VARS1: variants seen among roughly 807,000 people sequenced by gnomAD.
The protein encoded by VARS1 is valyl-tRNA synthetase 1.
A neutral mutation model predicts 161.0 loss-of-function variants in VARS1; 92 were observed. The observed-to-expected ratio is 0.57, with a 90% CI of 0.48 to 0.68. VARS1 has a LOEUF of 0.68. Ranked by LOEUF, VARS1 falls within the 30% of genes least tolerant of loss-of-function variation. The probability of loss-of-function intolerance (pLI) is 0.00; values close to 1 mark genes in which losing one functional copy is unlikely to be tolerated. For synonymous variants in VARS1, 595 were observed against 682.5 expected (o/e 0.87, Z 2.00); for missense variants, 1,338 against 1,695.9 (o/e 0.79, Z 3.71).
In VARS1 at chr6:31,779,480, C is replaced by A. The variant is rs764598842; in HGVS notation, c.3345G>T (p.Thr1115=). 1.2e-6 allele frequency: 2 copies of A among 1,612,708 alleles called. No individual in the cohort carries two copies. The highest frequency in any genetic ancestry group is 1.7e-6 in the Non-Finnish European group (2 of 1,179,976). ...CGGCCCGCAGGGAGCGCACGGCTCG[C>A]GTGATGCTTAGCGCCAGCTCAAGGG... The part of the protein sequence containing the change: ...EAALELALSI[T]RAVRSLRADY... Residue 1115 remains threonine, a synonymous_variant, in exon 28 of 30, where the codon ACG becomes ACT. Coordinates refer to ENST00000375663, the MANE Select transcript of VARS1 (RefSeq NM_006295.3). The surrounding 1 kb of genome is among the most constrained non-coding windows in gnomAD (Gnocchi z 9.1).
chr6:31,791,517 C>T lies in VARS1; in HGVS notation c.1100+93G>A. 6.7e-7 allele frequency: 1 copy of T among 1,500,528 alleles called. No individual in the cohort carries two copies. Among genetic ancestry groups the T allele is most frequent in the East Asian group, 2.4e-5 (1 of 42,476 alleles). The allele number at this position is 1,500,528 out of a possible 1,614,324, so 93.0% of individuals were successfully genotyped here. A position where few individuals can be genotyped will look rare whatever the true frequency, so the allele number is the denominator to read the frequency against. ...CACTGGGGGCAGAAGTGAGCACCAACCCAGAAGGAGAGAGGCTCGGGGGGC... is the reference window on the plus strand; with the variant it reads ...CACTGGGGGCAGAAGTGAGCACCAATCCAGAAGGAGAGAGGCTCGGGGGGC... On this transcript the variant is annotated intron_variant, in intron 8 of 29. Transcript: ENST00000375663. This position sits in a 1 kb window ranked among gnomAD's most constrained non-coding sequence, Gnocchi z 5.0.
chr6:31,779,734 G>A lies in VARS1; in HGVS notation c.3162C>T (p.Asp1054=), dbSNP rs1171083155. 4 of 1,612,874 alleles carry A rather than the reference G, an allele frequency of 2.5e-6. No individual in the cohort carries two copies. The highest frequency in any genetic ancestry group is 1.7e-5 in the Admixed American group (1 of 59,994). ...CARQTLYTCL[D]VGLRLLSPFM... ...AGGGTGAGAGCAGCCGCAGGCCAACGTCCAGGCAAGTGTACAGGGTCTGGC... is the reference window on the plus strand; with the variant it reads ...AGGGTGAGAGCAGCCGCAGGCCAACATCCAGGCAAGTGTACAGGGTCTGGC... The change falls in exon 27 of 30, where the codon GAC becomes GAT. Residue 1054 remains aspartate, a synonymous_variant. Transcript: ENST00000375663. This position sits in a 1 kb window ranked among gnomAD's most constrained non-coding sequence, Gnocchi z 9.1.
chr6:31,784,646 G>A lies in VARS1; in HGVS notation c.1416C>T (p.Thr472=). The A allele has an allele frequency of 1.2e-6, 2 of 1,613,092 alleles. No homozygotes were observed. The highest frequency in any genetic ancestry group is 1.1e-5 in the South Asian group (1 of 91,088). Residue 472 remains threonine (T), a synonymous_variant, in exon 11 of 30, where the codon ACC becomes ACT. Coordinates refer to ENST00000375663, the MANE Select transcript of VARS1 (RefSeq NM_006295.3). The surrounding 1 kb of genome is among the most constrained non-coding windows in gnomAD (Gnocchi z 6.1). ...GGGTGCAGGACCAGTTAACAAGGCG[G>A]GTACTGCGATAGATGATGCCTTCCT... The part of the protein sequence containing the change: ...LHEEGIIYRS[T]RLVNWSCTLN...
At chr6:31,792,579 G>C (rs1813951891) in intron 4 of VARS1, 63 bp from the exon 5 acceptor site, 1 of 1,610,160 alleles carries the variant, frequency 6.2e-7, no homozygotes, top group Non-Finnish European at 8.5e-7. Context: ...GGCCATACTA[G>C]GTTTCAGATG....
At chr6:31,783,303 G>T in intron 13 of VARS1, 117 bp from the exon 14 acceptor site, 1 of 1,040,994 alleles carries the variant, frequency 9.6e-7, no homozygotes, top group East Asian at 2.6e-5. Flanking sequence ...CCGGGAGTTG[G>T]AGACCAGCCT....
In VARS1 at chr6:31,784,264, T is replaced by C; in HGVS notation, c.1621A>G (p.Met541Val). The change falls in exon 13 of 30, where the codon ATG becomes GTG. Residue 541 changes from methionine (M) to valine (V), a missense_variant. By Grantham distance (21) the Met-to-Val change is conservative. Coordinates refer to ENST00000375663, the MANE Select transcript of VARS1 (RefSeq NM_006295.3). The surrounding 1 kb of genome is among the most constrained non-coding windows in gnomAD (Gnocchi z 6.1). ...VVVATTRIET[M>V]LGDVAVAVHP... ...ACAGCTACAGCCACATCTCCCAGCA[T>C]TGTCTCGATCCGAGTTGTTGCCACC... 1 of 1,614,170 alleles carries C rather than the reference T, an allele frequency of 6.2e-7. No homozygotes were observed. Among genetic ancestry groups the C allele is most frequent in the Non-Finnish European group, 8.5e-7 (1 of 1,180,032 alleles).
chr6:31,793,199 C>CCT, intron 2 of VARS1, 79 bp from the exon 3 acceptor site: 1 of 1,498,584 alleles, frequency 6.7e-7, no homozygotes, highest in South Asian at 1.3e-5. Context: ...ATGTGGCCTC[C>CCT]CTCCACCCCA....
At chr6:31,788,678 G>A (rs1320906884) in intron 8 of VARS1, among the ~76,000 whole-genome samples, 7 of 148,852 alleles carry the variant, frequency 4.7e-5, no homozygotes, top group Non-Finnish European at 8.9e-5. Flanking sequence ...GCGTGGTGGC[G>A]GGCGCCTGTA....
In VARS1 at chr6:31,777,560, C is replaced by G; in HGVS notation, c.*34G>C. The stretch of plus-strand genomic sequence containing the variant: ...TTATTGCTGCCATCCCCATGGTGAG[C>G]CGCTGGGGGTGAGGGGTGAAGCTGG... On this transcript the variant is annotated 3_prime_UTR_variant, in exon 30 of 30. Coordinates refer to ENST00000375663, the MANE Select transcript of VARS1 (RefSeq NM_006295.3). The surrounding 1 kb of genome is among the most constrained non-coding windows in gnomAD (Gnocchi z 5.8). 3.7e-6 allele frequency: 6 copies of G among 1,611,822 alleles called. No individual in the cohort carries two copies. The highest frequency in any genetic ancestry group is 5.1e-6 in the Non-Finnish European group (6 of 1,178,026).
rs11759353 is a variant in VARS1 at position 31,784,543 on chromosome 6, G to A, written c.1468-41C>T. On this transcript the variant is annotated intron_variant, in intron 11 of 29. Transcript: ENST00000375663. This position sits in a 1 kb window ranked among gnomAD's most constrained non-coding sequence, Gnocchi z 6.1. ...TTAGAGGCGTGGCCCAGGGGCCAGG[G>A]CCAGGGCCAGGGTAGATTGGAGATG... 5.2e-3 allele frequency: 8,399 copies of A among 1,613,608 alleles called. 109 individuals are homozygous for A. Among genetic ancestry groups the A allele is most frequent in the East Asian group, 0.04 (1,801 of 44,882 alleles).
chr6:31,784,094 A>C lies in VARS1; in HGVS notation c.1671+120T>G, dbSNP rs1813332183. On this transcript the variant is annotated intron_variant, in intron 13 of 29. Coordinates refer to ENST00000375663, the MANE Select transcript of VARS1 (RefSeq NM_006295.3). This position sits in a 1 kb window ranked among gnomAD's most constrained non-coding sequence, Gnocchi z 6.1. ...CTCAGAGCTGGGAAAGAAGCTGAAG[A>C]CCAGTTTCTAACCCAGTTTCCTCTC... 9.2e-7 allele frequency: 1 copy of C among 1,086,584 alleles called. No homozygotes were observed. The highest frequency in any genetic ancestry group is 2.0e-5 in the Admixed American group (1 of 48,830). The allele number at this position is 1,086,584 out of a possible 1,614,324, so 67.3% of individuals were successfully genotyped here. A position where few individuals can be genotyped will look rare whatever the true frequency, so the allele number is the denominator to read the frequency against.
intron 4 of VARS1, 118 bp from the exon 5 acceptor site, chr6:31,792,634 C>A (rs537931976): frequency 1.7e-5 from 27 of 1,590,608 alleles, no homozygotes; most frequent in Non-Finnish European, 2.0e-5. Context: ...GACCTCCCCC[C>A]TCTCCCTCCT....
rs1209520622 is a variant in VARS1 at position 31,794,822 on chromosome 6, C to A, written c.387+9G>T. ...TCTCCCCTCCCCCTCTTCTGTACAA[C>A]CCCCTCACCTGGGGGTCCTGGGCCG... On this transcript the variant is annotated intron_variant, in intron 2 of 29. Transcript: ENST00000375663. The A allele has an allele frequency of 3.2e-6, 5 of 1,582,456 alleles. No individual in the cohort carries two copies. Among genetic ancestry groups the A allele is most frequent in the Non-Finnish European group, 3.4e-6 (4 of 1,160,574 alleles).
At position 31,784,411 on chromosome 6, in the gene VARS1, T is replaced by G; in HGVS notation, c.1559A>C (p.Tyr520Ser). ...GCTCCTACCTGAGCCTTGGACCTTA[T>G]AGGCAAAGGACACGAGGACCCCGAA... is the stretch of plus-strand genomic sequence containing the variant. ...VEFGVLVSFA[Y>S]KVQGSDSDEE... The change falls in exon 12 of 30, where the codon TAT becomes TCT. Residue 520 changes from tyrosine to serine, a missense_variant. Physicochemically the swap from Tyr to Ser is moderately radical, Grantham distance 144 (BLOSUM62 -2). Coordinates refer to ENST00000375663, the MANE Select transcript of VARS1 (RefSeq NM_006295.3). The surrounding 1 kb of genome is among the most constrained non-coding windows in gnomAD (Gnocchi z 6.1). The G allele has an allele frequency of 6.2e-7, 1 of 1,614,118 alleles. No homozygotes were observed. Among genetic ancestry groups the G allele is most frequent in the Non-Finnish European group, 8.5e-7 (1 of 1,180,034 alleles).
In VARS1 at chr6:31,781,791, G is replaced by A; in HGVS notation, c.2348-30C>T. The A allele has an allele frequency of 6.2e-7, 1 of 1,612,994 alleles. No homozygotes were observed. The stretch of plus-strand genomic sequence containing the variant: ...GAGAGGCCAAAGGTCAGAGGTCAGA[G>A]GGAGTGGAGCTCTGCCCCCCACAAC... On this transcript the variant is annotated intron_variant, in intron 19 of 29. Transcript: ENST00000375663. This position sits in a 1 kb window ranked among gnomAD's most constrained non-coding sequence, Gnocchi z 6.8.
rs1324765737 is a variant in VARS1 at position 31,779,906 on chromosome 6, T to A, written c.3081+92A>T. The A allele has an allele frequency of 1.9e-6, 3 of 1,602,854 alleles. No individual in the cohort carries two copies. The African/African-American group carries it at 4.0e-5, about 21-fold the overall frequency. ...GGACTGGGAAGGGGATGGGTTGGCTTAGGTCTCAAGGCCAACTCTGGCAAA... is the reference window on the plus strand; with the variant it reads ...GGACTGGGAAGGGGATGGGTTGGCTAAGGTCTCAAGGCCAACTCTGGCAAA... On this transcript the variant is annotated intron_variant, in intron 26 of 29. Coordinates refer to ENST00000375663, the MANE Select transcript of VARS1 (RefSeq NM_006295.3). The surrounding 1 kb of genome is among the most constrained non-coding windows in gnomAD (Gnocchi z 9.1).
chr6:31,777,975 T>C lies in VARS1; in HGVS notation c.3727-313A>G. 2.1e-6 allele frequency: 1 copy of C among 479,600 alleles called. No individual in the cohort carries two copies. Among genetic ancestry groups the C allele is most frequent in the Non-Finnish European group, 3.8e-6 (1 of 265,920 alleles). The allele number at this position is 479,600 out of a possible 1,614,324, so 29.7% of individuals were successfully genotyped here. A position where few individuals can be genotyped will look rare whatever the true frequency, so the allele number is the denominator to read the frequency against. On this transcript the variant is annotated intron_variant, in intron 29 of 29. Transcript: ENST00000375663. The surrounding 1 kb of genome is among the most constrained non-coding windows in gnomAD (Gnocchi z 5.8). ...ACAGTCTCCCAGGCCGGTCACTTCA[T>C]TTGTCAGATGATGATGATGATATTG...
rs1256426520 is a variant in VARS1, at chr6:31,782,225, GC to G, written c.2151-49del. 6.2e-7 allele frequency: 1 copy of G among 1,611,132 alleles called. No individual in the cohort carries two copies. Among genetic ancestry groups the G allele is most frequent in the East Asian group, 2.2e-5 (1 of 44,862 alleles). The stretch of plus-strand genomic sequence containing the variant: ...ATCAGGGAGGGCCTGATGGAGCCTG[GC>G]CCGAGTGAGCCCTGCTCAGCCCTCG... On this transcript the variant is annotated intron_variant, in intron 17 of 29. Transcript: ENST00000375663. This position sits in a 1 kb window ranked among gnomAD's most constrained non-coding sequence, Gnocchi z 8.3.
chr6:31,786,591 G>T (rs1228159758), intron 8 of VARS1, among the ~76,000 whole-genome samples: 1 of 149,504 alleles, frequency 6.7e-6, no homozygotes, highest in Non-Finnish European at 1.5e-5. Flanking sequence ...GCTTGAAGCT[G>T]GGAGGGGGAG....
Sources: gnomAD v4.1 joint callset for allele counts (sites outside exome capture counted in the v4.1 genomes callset) on GRCh38, gnomAD v4.1.1 for gene constraint, Gnocchi (gnomAD v3.1) non-coding constraint, MANE v1.5 for transcripts, NCBI Gene and HGNC (gene_info 2026-07-23, HGNC 2026-07-21) for gene names.